Variants in INPP5A observed in about 807,000 individuals in gnomAD.
INPP5A encodes inositol polyphosphate-5-phosphatase A, also known as 43 kDa inositol polyphosphate 5-phophatase.
In INPP5A, 14 loss-of-function variants were observed where a neutral mutation model predicts 65.2. The observed-to-expected ratio is 0.21, with a 90% CI of 0.14 to 0.34. INPP5A has a LOEUF of 0.34. Ranked by LOEUF, INPP5A falls within the 10% of genes least tolerant of loss-of-function variation. INPP5A has a pLI of 1.00. For synonymous variants in INPP5A, 207 were observed against 208.3 expected (o/e 0.99, Z 0.05); for missense variants, 431 against 545.6 (o/e 0.79, Z 2.09).
intron 4 of INPP5A, among the ~76,000 whole-genome samples, chr10:132,677,268 C>T (rs1250079634): frequency 6.6e-6 from 1 of 152,250 alleles, no homozygotes; most frequent in African/African-American, 2.4e-5. Context: ...GTGGATGCTG[C>T]CTGGGTGCAG....
chr10:132,746,796 C>G (rs1243057848), intron 9 of INPP5A, among the ~76,000 whole-genome samples: 2 of 152,228 alleles, frequency 1.3e-5, no homozygotes, highest in Non-Finnish European at 2.9e-5. Context: ...GAGAAGAATC[C>G]CTTCCCAAAG....
In INPP5A at chr10:132,765,764, T is replaced by C; in HGVS notation, c.904-9T>C. On this transcript the variant is annotated splice_polypyrimidine_tract_variant and intron_variant, in intron 11 of 15. Coordinates refer to ENST00000368594, the MANE Select transcript of INPP5A (RefSeq NM_005539.5). ...TGTGACTTTATTTTCTGCTCTTTCT[T>C]TTCTTTAGCTCTTGGAGTTTGACAA... 6.3e-7 allele frequency: 1 copy of C among 1,575,592 alleles called. No individual in the cohort carries two copies. The highest frequency in any genetic ancestry group is 8.7e-7 in the Non-Finnish European group (1 of 1,144,880).
rs1358742176 is a variant in INPP5A at position 132,690,449 on chromosome 10, T to C, written c.364T>C (p.Phe122Leu). Residue 122 changes from phenylalanine (F) to leucine (L), a missense_variant, in exon 5 of 16, where the codon TTT becomes CTT. Transcript: ENST00000368594. ...CTTAAAAAACATCTACCAGTTTGAC[T>C]TTAAAGGTAAGACTGCGTGCCGTCT... ...ESLKNIYQFD[F>L]KAKKYRKVAG... 1 of 1,611,642 alleles carries C rather than the reference T, an allele frequency of 6.2e-7. No homozygotes were observed. The highest frequency in any genetic ancestry group is 8.5e-7 in the Non-Finnish European group (1 of 1,178,044).
Position 132,561,838 on chromosome 10 carries a change from G to A in INPP5A, c.75+23667G>A, listed in dbSNP as rs149719095. 2.3e-4 allele frequency among the ~76,000 whole-genome samples: 35 copies of A among 152,136 alleles called. No individual in the cohort carries two copies. In the South Asian group the frequency reaches 3.7e-3, roughly 16 times the overall value. ...ACCCTGGTGGAATTTTGGGGGTTGC[G>A]TTGGATCTGTAGATGCAGTTCTTAC... On this transcript the variant is annotated intron_variant, in intron 1 of 15. Transcript: ENST00000368594.
Position 132,663,571 on chromosome 10 carries a change from A to G in INPP5A, c.306+13066A>G, listed in dbSNP as rs2072763716. Among the ~76,000 whole-genome samples the G allele has an allele frequency of 1.3e-5, 2 of 152,182 alleles. No individual in the cohort carries two copies. The highest frequency in any genetic ancestry group is 2.4e-5 in the African/African-American group (1 of 41,436). On this transcript the variant is annotated intron_variant, in intron 4 of 15. Coordinates refer to ENST00000368594, the MANE Select transcript of INPP5A (RefSeq NM_005539.5). The surrounding 1 kb of genome is among the most constrained non-coding windows in gnomAD (Gnocchi z 4.5). ...AGGCTTTGTTGATTTTGAATGTAACATTATTCCCACTCAATGAGTGATTTT... is the reference window on the plus strand; with the variant it reads ...AGGCTTTGTTGATTTTGAATGTAACGTTATTCCCACTCAATGAGTGATTTT...
rs1043872468 is a variant in INPP5A at position 132,575,211 on chromosome 10, G to A, written c.76-32704G>A. Among the ~76,000 whole-genome samples, 3 of 152,166 alleles carry A rather than the reference G, an allele frequency of 2.0e-5. No homozygotes were observed. Among genetic ancestry groups the A allele is most frequent in the Admixed American group, 2.0e-4 (3 of 15,290 alleles). ...GCGTTTGCACCGGCCTGGACACATC[G>A]CAACCCTGACCTGTGTGCTGAAGGG... On this transcript the variant is annotated intron_variant, in intron 1 of 15. Transcript: ENST00000368594. The surrounding 1 kb of genome is among the most constrained non-coding windows in gnomAD (Gnocchi z 5.4).
chr10:132,774,337 G>C (rs1591005197), intron 12 of INPP5A, among the ~76,000 whole-genome samples: 1 of 152,230 alleles, frequency 6.6e-6, no homozygotes, highest in South Asian at 2.1e-4. Flanking sequence ...GCACCCTCCT[G>C]CTCCGTGTAC....
chr10:132,556,380 C>T (rs547418277), intron 1 of INPP5A, among the ~76,000 whole-genome samples: 5 of 152,290 alleles, frequency 3.3e-5, no homozygotes, highest in Admixed American at 2.0e-4. Context: ...TGCACCTCCA[C>T]GGGGACCAGG....
At chr10:132,719,147 T>A (rs939896513) in intron 8 of INPP5A, among the ~76,000 whole-genome samples, 3 of 148,862 alleles carry the variant, frequency 2.0e-5, no homozygotes, top group African/African-American at 7.4e-5. Context: ...ACCTGGGTTC[T>A]GTCTGGGTGC....
chr10:132,544,642 A>G (rs1365876813), intron 1 of INPP5A, among the ~76,000 whole-genome samples: 1 of 151,694 alleles, frequency 6.6e-6, no homozygotes, highest in Non-Finnish European at 1.5e-5. Flanking sequence ...TAAATCTTGA[A>G]CACCTCCTTA....
chr10:132,719,155 T>C (rs35237054), intron 8 of INPP5A, among the ~76,000 whole-genome samples: 810 of 78,548 alleles, frequency 0.01, no homozygotes, highest in Middle Eastern at 0.06. Context: ...TCTGTCTGGG[T>C]GCCTTAGACG....
intron 4 of INPP5A, among the ~76,000 whole-genome samples, chr10:132,652,552 C>G (rs2072591183): frequency 6.6e-6 from 1 of 152,276 alleles, no homozygotes; most frequent in South Asian, 2.1e-4. Flanking sequence ...TTCCTTGCCA[C>G]CCATCATCCT....
At chr10:132,599,090 C>A (rs999608232) in intron 1 of INPP5A, among the ~76,000 whole-genome samples, 1 of 152,194 alleles carries the variant, frequency 6.6e-6, no homozygotes, top group African/African-American at 2.4e-5. Context: ...CTCCAAACCT[C>A]ATGTCCTCAC....
chr10:132,637,907 C>CT lies in INPP5A; in HGVS notation c.118-7953dup, dbSNP rs760987882. Among the ~76,000 whole-genome samples, 11 of 151,598 alleles carry CT rather than the reference C, an allele frequency of 7.3e-5. No homozygotes were observed. The highest frequency in any genetic ancestry group is 1.2e-4 in the Non-Finnish European group (8 of 67,896). ...AGTTTGTGTGTGTACAATTTTTTGT[C>CT]TTTTTTTTACAGCCGTTTTGTAGGG... On this transcript the variant is annotated intron_variant, in intron 2 of 15. Coordinates refer to ENST00000368594, the MANE Select transcript of INPP5A (RefSeq NM_005539.5). This position sits in a 1 kb window ranked among gnomAD's most constrained non-coding sequence, Gnocchi z 4.1.
intron 2 of INPP5A, among the ~76,000 whole-genome samples, chr10:132,631,680 G>A (rs917838252): frequency 5.3e-5 from 8 of 152,124 alleles, no homozygotes; most frequent in African/African-American, 1.9e-4. Flanking sequence ...CTGTTTCCTG[G>A]GAACCAGGGG....
In INPP5A at chr10:132,650,026, G is replaced by A. The variant is rs2072552156; in HGVS notation, c.219-392G>A. ...GGGGTGCATGTGCCCCAACCTGTGTGTGCTGGTGGCTACTGGGGGTCCAAT... is the reference window on the plus strand; with the variant it reads ...GGGGTGCATGTGCCCCAACCTGTGTATGCTGGTGGCTACTGGGGGTCCAAT... On this transcript the variant is annotated intron_variant, in intron 3 of 15. Coordinates refer to ENST00000368594, the MANE Select transcript of INPP5A (RefSeq NM_005539.5). The surrounding 1 kb of genome is among the most constrained non-coding windows in gnomAD (Gnocchi z 5.5). Among the ~76,000 whole-genome samples, 1 of 152,186 alleles carries A rather than the reference G, an allele frequency of 6.6e-6. No individual in the cohort carries two copies. Among genetic ancestry groups the A allele is most frequent in the Non-Finnish European group, 1.5e-5 (1 of 68,032 alleles).
intron 2 of INPP5A, among the ~76,000 whole-genome samples, chr10:132,626,579 CTG>C (rs1419988180): frequency 1.2e-4 from 19 of 152,356 alleles, no homozygotes; most frequent in Admixed American, 1.2e-3. Context: ...AGATCGCAGA[CTG>C]TGCAATTCTT....
intron 2 of INPP5A, among the ~76,000 whole-genome samples, chr10:132,631,493 T>G (rs1045340411): frequency 2.0e-5 from 3 of 152,248 alleles, no homozygotes; most frequent in African/African-American, 7.2e-5. Context: ...CCCGTGTCCC[T>G]CTGCGCGCCT....
At chr10:132,719,237 G>A (rs1208252891) in intron 8 of INPP5A, among the ~76,000 whole-genome samples, 2 of 149,580 alleles carry the variant, frequency 1.3e-5, no homozygotes, top group African/African-American at 2.5e-5. Context: ...GGGTTCTGTG[G>A]TACCTGGGTT....
Sources: allele counts gnomAD v4.1 joint callset (sites outside exome capture counted in the v4.1 genomes callset), GRCh38; gene constraint gnomAD v4.1.1; non-coding constraint Gnocchi (gnomAD v3.1); transcripts MANE v1.5; gene names NCBI Gene and HGNC (gene_info 2026-07-23, HGNC 2026-07-21).